Variants in DDI2 observed in about 807,000 individuals in gnomAD.
DDI2 encodes DDI proteasomal shuttling factor 2, also known as protein DDI1 homolog 2.
DDI2 carries 5 observed loss-of-function variants against 48.1 expected under a neutral mutation model. That is an observed-to-expected ratio of 0.10 (90% CI 0.05 to 0.22). The LOEUF (loss-of-function observed/expected upper bound fraction) is 0.22, where lower values mean the gene tolerates loss of function less well. DDI2 is among the 10% of genes least tolerant of loss of function. The pLI, the probability that DDI2 is intolerant of heterozygous loss-of-function variation, is 1.00. For missense variants in DDI2, 285 were observed against 506.2 expected, an observed-to-expected ratio of 0.56 and a Z score of 4.19; for synonymous variants, 205 against 183.6, an observed-to-expected ratio of 1.12 and a Z score of -0.94.
At chr1:15,618,654 TAACTAAGCA>T (rs1639605690) in intron 1 of DDI2, among the ~76,000 whole-genome samples, 1 of 152,238 alleles carries the variant, frequency 6.6e-6, no homozygotes, top group Admixed American at 6.5e-5. Context: ...TCTCATATTT[TAACTAAGCA>T]AAGTAATTCT....
Position 15,617,499 on chromosome 1 carries a change from T to G in DDI2, c.-172T>G. 1 of 413,936 alleles carries G rather than the reference T, an allele frequency of 2.4e-6. No homozygotes were observed. Among genetic ancestry groups the G allele is most frequent in the Non-Finnish European group, 4.0e-6 (1 of 252,786 alleles). The allele number at this position is 413,936 out of a possible 1,614,324, so 25.6% of individuals were successfully genotyped here. On this transcript the variant is annotated 5_prime_UTR_variant, in exon 1 of 10. Transcript: ENST00000480945. ...GTGTGGCGGCGGCCGTGCTTGCTAG[T>G]GAGGGCGGGAGGGAGTGACTCACTG...
In DDI2 at chr1:15,643,526, C is replaced by T. The variant is rs1263559925; in HGVS notation, c.765C>T (p.Ala255=). 1 of 1,612,136 alleles carries T rather than the reference C, an allele frequency of 6.2e-7. No homozygotes were observed. The highest frequency in any genetic ancestry group is 1.7e-5 in the Admixed American group (1 of 59,556). ...GATGTTTCTCTACTCCTCCAGGTGC[C>T]CAGATGACTATCATGAGCCAAGCTT... ...HPVKAFVDSG[A]QMTIMSQACA... is the part of the protein sequence containing the mutation. Residue 255 remains alanine (A), a synonymous_variant, in exon 6 of 10, where the codon GCC becomes GCT. Transcript: ENST00000480945.
rs144995806 is a variant in DDI2, at chr1:15,646,544, G to A, written c.889+2894G>A. Among the ~76,000 whole-genome samples, 561 of 152,200 alleles carry A rather than the reference G, an allele frequency of 3.7e-3. 2 individuals carry two copies. Among genetic ancestry groups the A allele is most frequent in the African/African-American group, 0.012 (516 of 41,536 alleles). On this transcript the variant is annotated intron_variant, in intron 6 of 9. Transcript: ENST00000480945. Reference sequence around the variant, plus strand: ...TCTACTAAAAATACAAAAATTAGCCGGGCGTGGTGGCGGGTGCCTGTAATC... The same window carrying A: ...TCTACTAAAAATACAAAAATTAGCCAGGCGTGGTGGCGGGTGCCTGTAATC...
At chr1:15,656,805 A>G (rs1484841876) in intron 9 of DDI2, 126 bp downstream of exon 9, 1 of 1,363,362 alleles carries the variant, frequency 7.3e-7, no homozygotes, top group African/African-American at 1.4e-5. Context: ...ATCTGGTTAC[A>G]ACTAGCCTAT....
At chr1:15,625,988 C>T (rs1639748072) in intron 1 of DDI2, among the ~76,000 whole-genome samples, 3 of 152,112 alleles carry the variant, frequency 2.0e-5, no homozygotes, top group African/African-American at 4.8e-5. Flanking sequence ...TATTTGGGAC[C>T]CTTTTGCCAG....
chr1:15,638,174 T>C (rs1639955483), intron 4 of DDI2, 133 bp from the exon 5 acceptor site: 2 of 1,309,906 alleles, frequency 1.5e-6, no homozygotes, highest in Non-Finnish European at 2.1e-6. Flanking sequence ...ATAGCACCAA[T>C]TTTTCTATGA....
rs752519674 is a variant in DDI2 at position 15,660,493 on chromosome 1, A to G, written c.*703A>G. 8.4e-5 allele frequency: 136 copies of G among 1,613,968 alleles called. No individual in the cohort carries two copies. The East Asian group carries it at 2.9e-3, about 34-fold the overall frequency. On this transcript the variant is annotated 3_prime_UTR_variant, in exon 10 of 10. Transcript: ENST00000480945. ...AGAAAGGCAACAGAATCAACACAAAATTGTTGATTTGGAAGCTACGATGAA... is the reference window on the plus strand; with the variant it reads ...AGAAAGGCAACAGAATCAACACAAAGTTGTTGATTTGGAAGCTACGATGAA...
intron 3 of DDI2, among the ~76,000 whole-genome samples, chr1:15,631,240 T>C (rs1639839714): frequency 6.6e-6 from 1 of 152,232 alleles, no homozygotes; most frequent in South Asian, 2.1e-4. Context: ...GTGCCCTGTA[T>C]GGCAAAATGG....
At chr1:15,618,250 GCTT>G (rs1639597677) in intron 1 of DDI2, among the ~76,000 whole-genome samples, 1 of 131,252 alleles carries the variant, frequency 7.6e-6, no homozygotes. Flanking sequence ...ATGTTCCTCT[GCTT>G]TTTTTTTTTT....
chr1:15,619,169 G>A lies in DDI2; in HGVS notation c.138+1361G>A, dbSNP rs548162923. ...GGAGTCTTGCTCTGTCGCCCATGCT[G>A]GAGTGCAGTGGTGCGTTCTCGACTC... On this transcript the variant is annotated intron_variant, in intron 1 of 9. Coordinates refer to ENST00000480945, the MANE Select transcript of DDI2 (RefSeq NM_032341.5). Among the ~76,000 whole-genome samples the A allele has an allele frequency of 2.5e-3, 373 of 152,162 alleles. 2 individuals are homozygous for A. The highest frequency in any genetic ancestry group is 4.3e-3 in the Non-Finnish European group (293 of 68,008).
chr1:15,653,551 A>T (rs1001248618), intron 8 of DDI2, among the ~76,000 whole-genome samples: 4 of 151,472 alleles, frequency 2.6e-5, no homozygotes, highest in Non-Finnish European at 4.4e-5. Flanking sequence ...TTACTTAATT[A>T]AAAAAAAAAT....
intron 5 of DDI2, among the ~76,000 whole-genome samples, chr1:15,642,018 C>G (rs578140842): frequency 6.6e-6 from 1 of 150,462 alleles, no homozygotes; most frequent in African/African-American, 2.4e-5. Flanking sequence ...TTGCATAGAC[C>G]TTATTTACAG....
intron 8 of DDI2, among the ~76,000 whole-genome samples, chr1:15,652,185 T>G (rs1640196849): frequency 6.7e-6 from 1 of 148,576 alleles, no homozygotes; most frequent in African/African-American, 2.5e-5. Flanking sequence ...AGCAGTCCTC[T>G]CACCTCAGCC....
intron 7 of DDI2, among the ~76,000 whole-genome samples, 166 bp downstream of exon 7, chr1:15,649,989 C>T (rs1312352216): frequency 6.6e-6 from 1 of 152,142 alleles, no homozygotes; most frequent in African/African-American, 2.4e-5. Context: ...AATGATGTGT[C>T]GATATAGATA....
At position 15,666,660 on chromosome 1, in the gene DDI2, G is replaced by A. The variant is rs144373476; in HGVS notation, c.*6870G>A. On this transcript the variant is annotated 3_prime_UTR_variant, in exon 10 of 10. Coordinates refer to ENST00000480945, the MANE Select transcript of DDI2 (RefSeq NM_032341.5). ...TTCATTCATCAAATACTGAGTGCCT[G>A]TGTGCCAGGCACAGGTGAACTCTGG... 1 of 152,318 alleles carries A rather than the reference G, an allele frequency of 6.6e-6. No homozygotes were observed. Among genetic ancestry groups the A allele is most frequent in the Non-Finnish European group, 1.5e-5 (1 of 68,024 alleles). 9.4% of individuals were successfully genotyped at this position (152,318 alleles called of 1,614,324 possible).
intron 4 of DDI2, among the ~76,000 whole-genome samples, chr1:15,637,414 C>G (rs983442635): frequency 4.6e-5 from 7 of 152,202 alleles, no homozygotes; most frequent in African/African-American, 1.7e-4. Context: ...CTCTGTCGCT[C>G]AGGCTGGAGT....
rs573068732 is a variant in DDI2 at position 15,660,278 on chromosome 1, C to G, written c.*488C>G. ...CAGGAAGCTAGTTTATCTGTCACAT[C>G]TACTAGGATGCATGAACCACAGATG... On this transcript the variant is annotated 3_prime_UTR_variant, in exon 10 of 10. Coordinates refer to ENST00000480945, the MANE Select transcript of DDI2 (RefSeq NM_032341.5). The G allele has an allele frequency of 4.3e-6, 7 of 1,614,190 alleles. No homozygotes were observed. The South Asian group carries it at 7.7e-5, about 18-fold the overall frequency.
intron 6 of DDI2, among the ~76,000 whole-genome samples, chr1:15,648,522 T>A (rs1375793888): frequency 6.6e-6 from 1 of 152,162 alleles, no homozygotes; most frequent in Non-Finnish European, 1.5e-5. Flanking sequence ...CCCTATATTG[T>A]GAGAATGGGC....
At chr1:15,644,315 C>T (rs1253903573) in intron 6 of DDI2, among the ~76,000 whole-genome samples, 1 of 152,182 alleles carries the variant, frequency 6.6e-6, no homozygotes, top group East Asian at 1.9e-4. Context: ...CCCTTGTCTT[C>T]CTCTTTTTTA....
Sources: gnomAD v4.1 joint callset for allele counts (sites outside exome capture counted in the v4.1 genomes callset) on GRCh38, gnomAD v4.1.1 for gene constraint, MANE v1.5 for transcripts, NCBI Gene and HGNC (gene_info 2026-07-23, HGNC 2026-07-21) for gene names.